NPFFR2: variants seen among roughly 807,000 people sequenced by gnomAD.
NPFFR2 encodes the protein G-protein coupled receptor 74.
NPFFR2 carries 15 observed loss-of-function variants against 13.1 expected under a neutral mutation model. That is an observed-to-expected ratio of 1.15 (90% CI 0.77 to 1.76). The LOEUF (loss-of-function observed/expected upper bound fraction) is 1.76. Among genes scored for constraint, NPFFR2 ranks in the 40% most tolerant of loss-of-function variants. The probability of loss-of-function intolerance (pLI) is 0.00; values close to 1 mark genes in which losing one functional copy is unlikely to be tolerated. For synonymous variants in NPFFR2, 190 were observed against 175.7 expected (o/e 1.08, Z -0.65); for missense variants, 572 against 503.5 (o/e 1.14, Z -1.30).
At position 72,061,351 on chromosome 4, in the gene NPFFR2, C is replaced by T. The variant is rs192720822; in HGVS notation, c.-8+29151C>T. On this transcript the variant is annotated intron_variant, in intron 1 of 3. Transcript: ENST00000308744. ...AAGAAGTTACTTGTTTCCAGCCCTG[C>T]GATACAGGAATATTAGAGAAAAGCT... Among the ~76,000 whole-genome samples the T allele has an allele frequency of 2.2e-3, 342 of 152,236 alleles. 4 individuals are homozygous for T. The highest frequency in any genetic ancestry group is 7.7e-3 in the African/African-American group (321 of 41,546).
At chr4:72,115,341 T>C (rs4472109) in intron 1 of NPFFR2, among the ~76,000 whole-genome samples, 127,046 of 152,152 alleles carry the variant, frequency 0.83, 55,904 homozygotes, top group Non-Finnish European at 0.98. Context: ...TGAAAATATT[T>C]GCTTCCCTGC....
chr4:72,083,055 A>G (rs1157360688), intron 1 of NPFFR2, among the ~76,000 whole-genome samples: 1 of 152,002 alleles, frequency 6.6e-6, no homozygotes, highest in Non-Finnish European at 1.5e-5. Context: ...TCATATGTAT[A>G]TGTGTGTGTG....
chr4:72,096,889 C>G (rs1277082101), intron 1 of NPFFR2, among the ~76,000 whole-genome samples: 1 of 151,808 alleles, frequency 6.6e-6, no homozygotes, highest in Non-Finnish European at 1.5e-5. Flanking sequence ...TTAAGTAAAA[C>G]CATCATAAAT....
At chr4:72,128,945 A>G in intron 2 of NPFFR2, 26 bp downstream of exon 2, 1 of 1,519,750 alleles carries the variant, frequency 6.6e-7, no homozygotes, top group Non-Finnish European at 9.0e-7. Context: ...TGCAGTTTGA[A>G]GATAATATGA....
chr4:72,125,781 G>T (rs190268459), intron 1 of NPFFR2, among the ~76,000 whole-genome samples: 2 of 152,216 alleles, frequency 1.3e-5, no homozygotes, highest in South Asian at 4.1e-4. Flanking sequence ...GGACTCTCAC[G>T]ATTACATTAA....
In NPFFR2 at chr4:72,138,572, C is replaced by T. The variant is rs914605680; in HGVS notation, c.428+433C>T. Among the ~76,000 whole-genome samples, 14 of 152,118 alleles carry T rather than the reference C, an allele frequency of 9.2e-5. 1 individual carries two copies. Among genetic ancestry groups the T allele is most frequent in the African/African-American group, 3.4e-4 (14 of 41,422 alleles). ...TGATGGTTTCCAGCTGCATCCATGTCCCTGTAAAGGACATGAACTCATCCT... is the reference window on the plus strand; with the variant it reads ...TGATGGTTTCCAGCTGCATCCATGTTCCTGTAAAGGACATGAACTCATCCT... On this transcript the variant is annotated intron_variant, in intron 3 of 3. Coordinates refer to ENST00000308744, the MANE Select transcript of NPFFR2 (RefSeq NM_004885.3).
intron 1 of NPFFR2, among the ~76,000 whole-genome samples, chr4:72,060,175 G>A (rs13116207): frequency 0.96 from 146,751 of 152,126 alleles, 71,008 homozygotes; most frequent in East Asian, 1. Context: ...TAACTTTAGT[G>A]GAAAGTACAC....
At chr4:72,079,470 A>G (rs9683563) in intron 1 of NPFFR2, among the ~76,000 whole-genome samples, 135,563 of 152,134 alleles carry the variant, frequency 0.89, 61,500 homozygotes, top group Non-Finnish European at 0.98. Flanking sequence ...AATCAGCACT[A>G]TAATTAAGAA....
At chr4:72,139,809 C>T (rs62320842) in intron 3 of NPFFR2, among the ~76,000 whole-genome samples, 35,983 of 152,014 alleles carry the variant, frequency 0.24, 5,322 homozygotes, top group Non-Finnish European at 0.33. Flanking sequence ...TCAATGGTAG[C>T]TTGATGGAGA....
chr4:72,112,949 A>G (rs1231989874), intron 1 of NPFFR2, among the ~76,000 whole-genome samples: 1 of 152,070 alleles, frequency 6.6e-6, no homozygotes, highest in African/African-American at 2.4e-5. Flanking sequence ...TTAGCCTTCA[A>G]CTTACATAGC....
intron 1 of NPFFR2, among the ~76,000 whole-genome samples, chr4:72,050,442 G>A (rs1419592578): frequency 2.6e-5 from 4 of 151,734 alleles, no homozygotes; most frequent in South Asian, 2.1e-4. Flanking sequence ...TTTACAATTC[G>A]GGCACAACTG....
At chr4:72,095,466 A>G (rs1721038335) in intron 1 of NPFFR2, among the ~76,000 whole-genome samples, 1 of 152,228 alleles carries the variant, frequency 6.6e-6, no homozygotes, top group African/African-American at 2.4e-5. Context: ...ATCACTGAAT[A>G]TATCACTATG....
At chr4:72,047,154 T>C (rs1049922299) in intron 1 of NPFFR2, among the ~76,000 whole-genome samples, 1 of 147,906 alleles carries the variant, frequency 6.8e-6, no homozygotes, top group Admixed American at 6.9e-5. Context: ...TTTGGAAAAT[T>C]CACAGCCTGG....
intron 1 of NPFFR2, among the ~76,000 whole-genome samples, chr4:72,109,418 TA>T (rs1325232874): frequency 6.6e-6 from 1 of 152,020 alleles, no homozygotes; most frequent in Non-Finnish European, 1.5e-5. Flanking sequence ...CACTTAACGG[TA>T]ATGTCTTGCA....
At chr4:72,051,748 C>T (rs1370372281) in intron 1 of NPFFR2, among the ~76,000 whole-genome samples, 1 of 151,572 alleles carries the variant, frequency 6.6e-6, no homozygotes, top group Non-Finnish European at 1.5e-5. Flanking sequence ...AGACTGCTAG[C>T]AAGACTAATA....
chr4:72,141,970 T>A (rs1028228633), intron 3 of NPFFR2, among the ~76,000 whole-genome samples: 12 of 152,174 alleles, frequency 7.9e-5, no homozygotes, highest in Admixed American at 7.2e-4. Context: ...ATATTTAGGA[T>A]CGTTATTTCT....
rs1435189924 is a variant in NPFFR2, at chr4:72,068,839, T to A, written c.-8+36639T>A. The A allele has an allele frequency of 8.5e-5, 4 of 46,784 alleles. No homozygotes were observed. The Admixed American group carries it at 1.4e-3, about 17-fold the overall frequency. The allele number at this position is 46,784 out of a possible 1,614,324, so 2.9% of individuals were successfully genotyped here. A position where few individuals can be genotyped will look rare whatever the true frequency, so the allele number is the denominator to read the frequency against. On this transcript the variant is annotated intron_variant, in intron 1 of 3. Transcript: ENST00000308744. ...GAATATGAATGCCTGAGGTTCTTAG[T>A]TTTTTTTTTTTTTTATCTTATCTTT...
chr4:72,033,969 T>C (rs750928886), intron 1 of NPFFR2, among the ~76,000 whole-genome samples: 1 of 152,210 alleles, frequency 6.6e-6, no homozygotes, highest in South Asian at 2.1e-4. Context: ...CAAATGCCTC[T>C]GTGATAAATA....
chr4:72,134,613 G>A (rs1722351619), intron 2 of NPFFR2, among the ~76,000 whole-genome samples: 1 of 152,062 alleles, frequency 6.6e-6, no homozygotes, highest in East Asian at 1.9e-4. Context: ...CTTATAAAAT[G>A]TTTTTCATTT....
Sources: gnomAD v4.1 joint callset for allele counts (sites outside exome capture counted in the v4.1 genomes callset) on GRCh38, gnomAD v4.1.1 for gene constraint, MANE v1.5 for transcripts, NCBI Gene and HGNC (gene_info 2026-07-23, HGNC 2026-07-21) for gene names.